Variants in ROBO1 observed in about 807,000 individuals in gnomAD.
ROBO1 encodes the protein roundabout homolog 1.
In ROBO1, 149 loss-of-function variants were observed where a neutral mutation model predicts 195.9. That is an observed-to-expected ratio of 0.76 (90% CI 0.67 to 0.87). ROBO1 has a LOEUF of 0.87. Ranked by LOEUF, ROBO1 falls within the 40% of genes least tolerant of loss-of-function variation. The pLI, the probability that ROBO1 is intolerant of heterozygous loss-of-function variation, is 0.00. For missense variants in ROBO1, 1,933 were observed against 2,068.3 expected, an observed-to-expected ratio of 0.93 and a Z score of 1.27; for synonymous variants, 816 against 733.2, an observed-to-expected ratio of 1.11 and a Z score of -1.82.
At chr3:78,698,040 A>AT (rs1197756530) in intron 8 of ROBO1, among the ~76,000 whole-genome samples, 103 of 152,170 alleles carry the variant, frequency 6.8e-4, no homozygotes, top group Non-Finnish European at 2.9e-5. Flanking sequence ...AATTGAGGCG[A>AT]TTTTTTCCCC....
intron 2 of ROBO1, among the ~76,000 whole-genome samples, chr3:79,197,683 C>T (rs780062329): frequency 2.0e-5 from 3 of 152,100 alleles, no homozygotes; most frequent in Non-Finnish European, 4.4e-5. Context: ...TATTTCTCCA[C>T]ATCCTCTCCA....
intron 3 of ROBO1, among the ~76,000 whole-genome samples, chr3:79,113,159 A>G (rs2108538756): frequency 6.6e-6 from 1 of 152,294 alleles, no homozygotes; most frequent in Admixed American, 6.5e-5. Context: ...AAGCCCATTT[A>G]TCAGCATGTC....
chr3:79,108,205 C>T (rs1302747821), intron 3 of ROBO1, among the ~76,000 whole-genome samples: 1 of 151,540 alleles, frequency 6.6e-6, no homozygotes, highest in Non-Finnish European at 1.5e-5. Flanking sequence ...AGAAAGTACC[C>T]CAAGATACAT....
intron 2 of ROBO1, among the ~76,000 whole-genome samples, chr3:79,211,966 A>G (rs1431255843): frequency 6.6e-6 from 1 of 152,196 alleles, no homozygotes; most frequent in African/African-American, 2.4e-5. Context: ...CATTGTTTCT[A>G]TAGATTATAG....
chr3:79,275,615 T>C (rs941962780), intron 2 of ROBO1, among the ~76,000 whole-genome samples: 3 of 151,846 alleles, frequency 2.0e-5, no homozygotes, highest in Non-Finnish European at 4.4e-5. Context: ...AGCATAATAC[T>C]AGAAGTCTTG....
intron 4 of ROBO1, among the ~76,000 whole-genome samples, chr3:78,850,275 T>A (rs2033969831): frequency 6.6e-6 from 1 of 152,188 alleles, no homozygotes; most frequent in Non-Finnish European, 1.5e-5. Context: ...GAATTTCAAA[T>A]GTGTGTTAAT....
At chr3:78,795,410 A>T (rs901438580) in intron 4 of ROBO1, among the ~76,000 whole-genome samples, 17 of 152,222 alleles carry the variant, frequency 1.1e-4, no homozygotes, top group African/African-American at 3.4e-4. Flanking sequence ...TTGATAAAAA[A>T]CTTTTTAAAA....
chr3:78,645,835 T>A (rs1240473227), intron 21 of ROBO1, among the ~76,000 whole-genome samples: 4 of 152,108 alleles, frequency 2.6e-5, no homozygotes, highest in Non-Finnish European at 2.9e-5. Context: ...ACTAGCTGTA[T>A]TTGTTAATCT....
intron 4 of ROBO1, among the ~76,000 whole-genome samples, chr3:78,828,812 G>T (rs2031876128): frequency 1.3e-5 from 2 of 152,114 alleles, no homozygotes; most frequent in African/African-American, 2.4e-5. Flanking sequence ...ATGATTATAG[G>T]TGGCTCCCCA....
chr3:79,727,843 T>G (rs770889379), intron 1 of ROBO1, among the ~76,000 whole-genome samples: 1 of 152,134 alleles, frequency 6.6e-6, no homozygotes, highest in Non-Finnish European at 1.5e-5. Flanking sequence ...AGGACAAACA[T>G]TTTTCAAAAC....
intron 2 of ROBO1, among the ~76,000 whole-genome samples, chr3:79,369,080 A>G (rs6548617): frequency 0.042 from 6,322 of 152,262 alleles, 351 homozygotes; most frequent in African/African-American, 0.13. Context: ...CAGCTTCTAC[A>G]GCTTATGGGG....
intron 5 of ROBO1, among the ~76,000 whole-genome samples, chr3:78,732,381 G>T (rs1265740644): frequency 6.6e-6 from 1 of 151,874 alleles, no homozygotes; most frequent in African/African-American, 2.4e-5. Context: ...CAACCTAATG[G>T]CCATTAGTCC....
chr3:79,116,498 C>A (rs952205988), intron 3 of ROBO1, among the ~76,000 whole-genome samples: 2 of 141,830 alleles, frequency 1.4e-5, no homozygotes, highest in African/African-American at 2.6e-5. Flanking sequence ...TTCTCTCTCT[C>A]TTTCTTTCTT....
chr3:79,269,898 T>G (rs1007330725), intron 2 of ROBO1, among the ~76,000 whole-genome samples: 4 of 151,806 alleles, frequency 2.6e-5, no homozygotes, highest in Admixed American at 2.0e-4. Context: ...TGTACCATCC[T>G]GGTTAGGTGT....
intron 4 of ROBO1, among the ~76,000 whole-genome samples, chr3:78,793,033 G>A (rs1020148026): frequency 3.3e-5 from 5 of 151,686 alleles, no homozygotes; most frequent in Admixed American, 1.3e-4. Context: ...GAGGCAGGAG[G>A]GTCACTTGAG....
At chr3:78,600,913 C>T (rs905358896) in intron 29 of ROBO1, among the ~76,000 whole-genome samples, 20 of 152,158 alleles carry the variant, frequency 1.3e-4, no homozygotes, top group African/African-American at 4.3e-4. Context: ...TATCAACCTC[C>T]ACGTCAATGT....
chr3:78,730,811 CAT>C (rs1345313744), intron 5 of ROBO1, among the ~76,000 whole-genome samples: 2 of 152,150 alleles, frequency 1.3e-5, no homozygotes, highest in Non-Finnish European at 1.5e-5. Flanking sequence ...CAACAATACA[CAT>C]GTTAACATGA....
intron 2 of ROBO1, among the ~76,000 whole-genome samples, chr3:79,400,277 T>C (rs2037316709): frequency 6.6e-6 from 1 of 151,954 alleles, no homozygotes; most frequent in African/African-American, 2.4e-5. Context: ...GATACATATA[T>C]AACAACCCCC....
chr3:79,159,300 A>G (rs1006477507), intron 2 of ROBO1, among the ~76,000 whole-genome samples: 1 of 152,014 alleles, frequency 6.6e-6, no homozygotes, highest in Non-Finnish European at 1.5e-5. Flanking sequence ...TCCAAAGGGT[A>G]AATTATTATC....
Sources: gnomAD v4.1 joint callset for allele counts (sites outside exome capture counted in the v4.1 genomes callset) on GRCh38, gnomAD v4.1.1 for gene constraint, MANE v1.5 for transcripts, NCBI Gene and HGNC (gene_info 2026-07-23, HGNC 2026-07-21) for gene names.